The following PCDH9 variants were observed in gnomAD, a reference collection of about 807,000 sequenced individuals.
PCDH9 encodes protocadherin 9, also known as protocadherin-9.
In PCDH9, 24 loss-of-function variants were observed where a neutral mutation model predicts 70.6. That is an observed-to-expected ratio of 0.34 (90% CI 0.25 to 0.48). The LOEUF is 0.48. Among genes scored for constraint, PCDH9 ranks in the 20% least tolerant of loss-of-function variants. The pLI is 0.99. For missense variants in PCDH9, 1,281 were observed against 1,503.6 expected, an observed-to-expected ratio of 0.85 and a Z score of 2.45; for synonymous variants, 562 against 558.5, an observed-to-expected ratio of 1.01 and a Z score of -0.09.
chr13:67,007,041 A>C (rs1017944641), intron 2 of PCDH9, among the ~76,000 whole-genome samples: 2 of 152,186 alleles, frequency 1.3e-5, no homozygotes, highest in Non-Finnish European at 2.9e-5. Flanking sequence ...CTAATGCTTC[A>C]ACATTACTAC....
chr13:66,700,432 T>C (rs932833167), intron 3 of PCDH9, among the ~76,000 whole-genome samples: 4 of 152,170 alleles, frequency 2.6e-5, no homozygotes, highest in African/African-American at 7.2e-5. Flanking sequence ...TGATAAAACA[T>C]GGGATTCTAA....
intron 2 of PCDH9, among the ~76,000 whole-genome samples, chr13:66,937,590 T>C (rs1456506631): frequency 1.3e-5 from 2 of 152,184 alleles, no homozygotes; most frequent in East Asian, 1.9e-4. Flanking sequence ...CATATTTGAG[T>C]CCTTGTGGAT....
rs75433393 is a variant in PCDH9 at position 66,610,711 on chromosome 13, G to A, written c.3340+20499C>T. ...AGCTATTTCTTAAGCAGCTTAAATC[G>A]GAACACAACATCCTCTTCTGAATGA... On this transcript the variant is annotated intron_variant, in intron 4 of 4. Transcript: ENST00000377865. Among the ~76,000 whole-genome samples, 91 of 152,172 alleles carry A rather than the reference G, an allele frequency of 6.0e-4. No homozygotes were observed. The East Asian group carries it at 0.013, about 22-fold the overall frequency.
At chr13:66,943,896 G>T (rs35644427) in intron 2 of PCDH9, among the ~76,000 whole-genome samples, 28,637 of 151,956 alleles carry the variant, frequency 0.19, 3,078 homozygotes, top group East Asian at 0.54. Context: ...TACCAATGAA[G>T]TGACTTTCTG....
intron 3 of PCDH9, among the ~76,000 whole-genome samples, chr13:66,838,927 T>C (rs1161655598): frequency 6.6e-6 from 1 of 152,102 alleles, no homozygotes; most frequent in Non-Finnish European, 1.5e-5. Context: ...AAAAAGGCAC[T>C]GCAAATACAT....
intron 4 of PCDH9, among the ~76,000 whole-genome samples, chr13:66,494,169 A>G (rs2138541096): frequency 6.6e-6 from 1 of 152,284 alleles, no homozygotes; most frequent in East Asian, 1.9e-4. Flanking sequence ...GCTAAAGAAT[A>G]AGGTCAACAA....
At chr13:66,692,575 C>G (rs1185645185) in intron 3 of PCDH9, among the ~76,000 whole-genome samples, 8 of 151,994 alleles carry the variant, frequency 5.3e-5, no homozygotes, top group African/African-American at 1.7e-4. Context: ...TAAGTACAAA[C>G]CCATATTAAG....
chr13:66,414,728 ATTC>A (rs1382054674), intron 4 of PCDH9, among the ~76,000 whole-genome samples: 1 of 152,196 alleles, frequency 6.6e-6, no homozygotes, highest in Non-Finnish European at 1.5e-5. Flanking sequence ...TGCTGGTATA[ATTC>A]TTCTCACAAT....
chr13:66,521,899 C>T (rs1960007003), intron 4 of PCDH9, among the ~76,000 whole-genome samples: 1 of 151,788 alleles, frequency 6.6e-6, no homozygotes, highest in South Asian at 2.1e-4. Flanking sequence ...CATATATATA[C>T]ATTATCCTGG....
chr13:66,480,435 AG>A (rs1048578778), intron 4 of PCDH9, among the ~76,000 whole-genome samples: 3 of 152,238 alleles, frequency 2.0e-5, no homozygotes, highest in Non-Finnish European at 4.4e-5. Flanking sequence ...TAACAGTGGC[AG>A]GTTTTGAGAA....
intron 4 of PCDH9, among the ~76,000 whole-genome samples, chr13:66,576,255 T>C (rs906302808): frequency 6.6e-6 from 1 of 152,200 alleles, no homozygotes; most frequent in African/African-American, 2.4e-5. Flanking sequence ...TCCAAAAATG[T>C]TAATTATAAA....
At chr13:67,221,082 A>G (rs1321305481) in intron 2 of PCDH9, 1 of 152,110 alleles carries the variant, frequency 6.6e-6, no homozygotes, top group Non-Finnish European at 1.5e-5. Context: ...ATCACAACCG[A>G]TAACATTTTA....
At position 66,638,097 on chromosome 13, in the gene PCDH9, T is replaced by C. The variant is rs1055515163; in HGVS notation, c.3139-6686A>G. On this transcript the variant is annotated intron_variant, in intron 3 of 4. Transcript: ENST00000377865. ...ATTCATCTCTTCACTTAAATAATTA[T>C]TGAGTACCATTATATTCTAGACACT... 2.0e-5 allele frequency among the ~76,000 whole-genome samples: 3 copies of C among 152,144 alleles called. No homozygotes were observed. The East Asian group carries it at 5.8e-4, about 29-fold the overall frequency.
chr13:66,689,813 C>A (rs1430977901), intron 3 of PCDH9, among the ~76,000 whole-genome samples: 2 of 152,156 alleles, frequency 1.3e-5, no homozygotes, highest in Non-Finnish European at 2.9e-5. Flanking sequence ...CCCTGGTCTG[C>A]AGATGGAGCT....
rs1044571253 is a variant in PCDH9, at chr13:66,335,242, G to A, written c.3341-30214C>T. Among the ~76,000 whole-genome samples, 14 of 152,158 alleles carry A rather than the reference G, an allele frequency of 9.2e-5. 1 individual carries two copies. Among genetic ancestry groups the A allele is most frequent in the Admixed American group, 6.6e-4 (10 of 15,250 alleles). ...ATAAGCAAACTCAACCTCTACTTAC[G>A]CTGAAGTACAACATTTCTAGATCCT... is the stretch of plus-strand genomic sequence containing the variant. On this transcript the variant is annotated intron_variant, in intron 4 of 4. Transcript: ENST00000377865.
At chr13:66,562,314 T>A (rs1451033315) in intron 4 of PCDH9, among the ~76,000 whole-genome samples, 1 of 152,200 alleles carries the variant, frequency 6.6e-6, no homozygotes, top group Non-Finnish European at 1.5e-5. Context: ...TTACACATCA[T>A]TAAACCTTTA....
intron 3 of PCDH9, among the ~76,000 whole-genome samples, chr13:66,828,810 A>AAATAATAAT (rs61269805): frequency 0.075 from 11,103 of 148,564 alleles, 489 homozygotes; most frequent in Middle Eastern, 0.13. Flanking sequence ...GCCATACATA[A>AAATAATAAT]AATAATAATA....
intron 2 of PCDH9, among the ~76,000 whole-genome samples, chr13:66,925,823 C>T (rs2082709341): frequency 6.6e-6 from 1 of 151,920 alleles, no homozygotes; most frequent in South Asian, 2.1e-4. Flanking sequence ...ATTTTTGCCT[C>T]TGGATATAAT....
chr13:66,389,275 A>G (rs895080142), intron 4 of PCDH9, among the ~76,000 whole-genome samples: 1 of 152,146 alleles, frequency 6.6e-6, no homozygotes, highest in Non-Finnish European at 1.5e-5. Context: ...TTTCCAAACT[A>G]TGTTTTAAAA....
Sources: allele counts gnomAD v4.1 joint callset (sites outside exome capture counted in the v4.1 genomes callset), GRCh38; gene constraint gnomAD v4.1.1; transcripts MANE v1.5; gene names NCBI Gene and HGNC (gene_info 2026-07-23, HGNC 2026-07-21).